RAB8B: variants seen among roughly 807,000 people sequenced by gnomAD.
RAB8B encodes ras-related protein Rab-8B.
A neutral mutation model predicts 32.0 loss-of-function variants in RAB8B; 11 were observed. The ratio of observed to expected loss-of-function variants is 0.34; its 90% CI spans 0.22 to 0.57. The LOEUF (loss-of-function observed/expected upper bound fraction) is 0.57, where lower values mean the gene tolerates loss of function less well. RAB8B is among the 20% of genes least tolerant of loss of function. The pLI, the probability that RAB8B is intolerant of heterozygous loss-of-function variation, is 0.86. For synonymous variants in RAB8B, 103 were observed against 89.6 expected, an observed-to-expected ratio of 1.15 and a Z score of -0.85; for missense variants, 190 against 258.5, an observed-to-expected ratio of 0.73 and a Z score of 1.82.
intron 1 of RAB8B, among the ~76,000 whole-genome samples, chr15:63,243,443 G>C (rs1211765591): frequency 1.3e-5 from 2 of 152,206 alleles, no homozygotes; most frequent in Non-Finnish European, 2.9e-5. Context: ...ATATGATAGA[G>C]CTTGCTGATA....
At chr15:63,260,498 T>A (rs2152585059) in intron 6 of RAB8B, among the ~76,000 whole-genome samples, 1 of 152,294 alleles carries the variant, frequency 6.6e-6, no homozygotes, top group African/African-American at 2.4e-5. Flanking sequence ...GGGAGTAGCT[T>A]TAATAAATTT....
intron 1 of RAB8B, among the ~76,000 whole-genome samples, chr15:63,214,149 A>C (rs1263976660): frequency 6.6e-6 from 1 of 152,136 alleles, no homozygotes; most frequent in East Asian, 1.9e-4. Context: ...CAGTGTTTAA[A>C]AATTCTGATT....
intron 1 of RAB8B, among the ~76,000 whole-genome samples, chr15:63,224,928 C>G (rs577505586): frequency 1.3e-5 from 2 of 152,294 alleles, no homozygotes; most frequent in East Asian, 3.9e-4. Context: ...CAGAGATGGG[C>G]AGACATGGGT....
intron 1 of RAB8B, among the ~76,000 whole-genome samples, chr15:63,233,233 A>G (rs529088136): frequency 1.4e-5 from 2 of 143,000 alleles, no homozygotes; most frequent in East Asian, 4.0e-4. Context: ...CTAATTTTTA[A>G]TTTTTTTTTT....
chr15:63,222,635 G>T lies in RAB8B; in HGVS notation c.125-22121G>T, dbSNP rs569963493. ...TCACTGCAACCTCCGCTTCCTGGGC[G>T]CAAGCAATTCTCCTGCCTCAGCCTC... On this transcript the variant is annotated intron_variant, in intron 1 of 7. Coordinates refer to ENST00000321437, the MANE Select transcript of RAB8B (RefSeq NM_016530.3). Among the ~76,000 whole-genome samples, 10 of 152,128 alleles carry T rather than the reference G, an allele frequency of 6.6e-5. No homozygotes were observed. The East Asian group carries it at 1.7e-3, about 27-fold the overall frequency.
At chr15:63,193,706 G>A (rs936794214) in intron 1 of RAB8B, among the ~76,000 whole-genome samples, 1 of 152,118 alleles carries the variant, frequency 6.6e-6, no homozygotes, top group Non-Finnish European at 1.5e-5. Context: ...AGCTACTTGG[G>A]AGGCTGAGGC....
Position 63,259,586 on chromosome 15 carries a change from G to GT in RAB8B, c.415-40dup. The GT allele has an allele frequency of 6.5e-7, 1 of 1,542,224 alleles. No homozygotes were observed. The highest frequency in any genetic ancestry group is 9.0e-7 in the Non-Finnish European group (1 of 1,115,720). On this transcript the variant is annotated intron_variant, in intron 5 of 7. Transcript: ENST00000321437. This position sits in a 1 kb window ranked among gnomAD's most constrained non-coding sequence, Gnocchi z 4.4. The stretch of plus-strand genomic sequence containing the variant: ...AAATACAAATGCATTATGTGTTCAA[G>GT]TATCTTTTGCTAAATTTAAATATTT...
chr15:63,263,195 T>G lies in RAB8B; in HGVS notation c.532-332T>G, dbSNP rs1444406. On this transcript the variant is annotated intron_variant, in intron 7 of 7. Coordinates refer to ENST00000321437, the MANE Select transcript of RAB8B (RefSeq NM_016530.3). ...TAACTCTTCTTACCTCTAACAGAAC[T>G]GTCTATGCCAGTATCTTAACATTGT... Among the ~76,000 whole-genome samples, 81 of 152,338 alleles carry G rather than the reference T, an allele frequency of 5.3e-4. No individual in the cohort carries two copies. The South Asian group carries it at 0.015, about 29-fold the overall frequency.
At chr15:63,199,168 G>A (rs561571594) in intron 1 of RAB8B, among the ~76,000 whole-genome samples, 1 of 152,330 alleles carries the variant, frequency 6.6e-6, no homozygotes, top group South Asian at 2.1e-4. Context: ...TTTAGAGAGA[G>A]GGGATTGGGT....
intron 1 of RAB8B, among the ~76,000 whole-genome samples, chr15:63,194,135 CAT>C (rs1254831278): frequency 6.6e-6 from 1 of 152,062 alleles, no homozygotes; most frequent in Non-Finnish European, 1.5e-5. Context: ...TTAGTATAGT[CAT>C]AGTTTAACAG....
chr15:63,243,823 C>T (rs947635931), intron 1 of RAB8B, among the ~76,000 whole-genome samples: 3 of 152,040 alleles, frequency 2.0e-5, no homozygotes, highest in Non-Finnish European at 2.9e-5. Flanking sequence ...TTATTTAGCT[C>T]ATGGTTCTGG....
intron 1 of RAB8B, among the ~76,000 whole-genome samples, chr15:63,240,806 C>CCAA (rs372241264): frequency 4.4e-5 from 5 of 113,802 alleles, no homozygotes; most frequent in African/African-American, 1.7e-4. Context: ...ATGTTCCTAA[C>CCAA]AAAAAAAAAA....
At chr15:63,246,804 G>T (rs534435640) in intron 2 of RAB8B, among the ~76,000 whole-genome samples, 153 of 152,276 alleles carry the variant, frequency 1.0e-3, no homozygotes, top group Middle Eastern at 3.4e-3. Context: ...CACTTGGTTG[G>T]TTCTCCTGGC....
intron 1 of RAB8B, among the ~76,000 whole-genome samples, chr15:63,234,084 C>A (rs1405372286): frequency 6.6e-6 from 1 of 151,962 alleles, no homozygotes; most frequent in Non-Finnish European, 1.5e-5. Flanking sequence ...GTTTTTCTAC[C>A]CCTGATTTTT....
At chr15:63,233,369 C>G (rs988432329) in intron 1 of RAB8B, among the ~76,000 whole-genome samples, 2 of 152,052 alleles carry the variant, frequency 1.3e-5, no homozygotes, top group African/African-American at 4.8e-5. Flanking sequence ...CAGTCTCAAT[C>G]TAAGTAACAT....
At chr15:63,203,399 A>C (rs1451676663) in intron 1 of RAB8B, among the ~76,000 whole-genome samples, 2 of 152,244 alleles carry the variant, frequency 1.3e-5, no homozygotes, top group Non-Finnish European at 2.9e-5. Flanking sequence ...TATAAGAAGG[A>C]TAGAAACTCC....
At chr15:63,218,426 G>T (rs2037812345) in intron 1 of RAB8B, among the ~76,000 whole-genome samples, 1 of 152,188 alleles carries the variant, frequency 6.6e-6, no homozygotes, top group Non-Finnish European at 1.5e-5. Flanking sequence ...GCTGAGCAGG[G>T]ATCTCAGGAG....
intron 1 of RAB8B, among the ~76,000 whole-genome samples, chr15:63,213,224 C>T (rs1348091369): frequency 2.6e-5 from 4 of 152,136 alleles, no homozygotes; most frequent in African/African-American, 4.8e-5. Flanking sequence ...TAGATAATTC[C>T]TTTCTGACTT....
intron 3 of RAB8B, among the ~76,000 whole-genome samples, chr15:63,252,817 C>G (rs539490232): frequency 6.7e-6 from 1 of 149,936 alleles, no homozygotes; most frequent in Non-Finnish European, 1.5e-5. Context: ...GGCACGATCT[C>G]GGCTCACTGC....
Sources: allele counts gnomAD v4.1 joint callset (sites outside exome capture counted in the v4.1 genomes callset), GRCh38; gene constraint gnomAD v4.1.1; non-coding constraint Gnocchi (gnomAD v3.1); transcripts MANE v1.5; gene names NCBI Gene and HGNC (gene_info 2026-07-23, HGNC 2026-07-21).